WDPCP: variants seen among roughly 807,000 people sequenced by gnomAD.
WDPCP encodes the protein WD repeat-containing and planar cell polarity effector protein fritz homolog.
WDPCP carries 71 observed loss-of-function variants against 93.1 expected under a neutral mutation model. The observed-to-expected ratio is 0.76, with a 90% CI of 0.63 to 0.93. The LOEUF is 0.93. Ranked by LOEUF, WDPCP falls within the 40% of genes least tolerant of loss-of-function variation. The pLI is 0.00. For missense variants in WDPCP, 844 were observed against 887.4 expected, an observed-to-expected ratio of 0.95 and a Z score of 0.62; for synonymous variants, 315 against 315.0, an observed-to-expected ratio of 1.00 and a Z score of 0.00.
intron 2 of WDPCP, among the ~76,000 whole-genome samples, chr2:63,785,037 C>A (rs962703151): frequency 6.6e-6 from 1 of 152,164 alleles, no homozygotes; most frequent in Non-Finnish European, 1.5e-5. Flanking sequence ...ATGACAATTA[C>A]TGTTAAACAA....
intron 17 of WDPCP, among the ~76,000 whole-genome samples, chr2:63,146,141 T>C (rs1245056627): frequency 6.6e-6 from 1 of 152,192 alleles, no homozygotes; most frequent in East Asian, 1.9e-4. Flanking sequence ...TAGGACGATG[T>C]TGTCTGCAAA....
At chr2:63,623,281 G>A (rs1466028181) in intron 3 of WDPCP, among the ~76,000 whole-genome samples, 1 of 151,724 alleles carries the variant, frequency 6.6e-6, no homozygotes, top group Admixed American at 6.6e-5. Flanking sequence ...TGCATCAATG[G>A]GCAAAATAAC....
chr2:63,302,713 C>T lies in WDPCP; in HGVS notation c.1812+10535G>A, dbSNP rs534215575. ...AAGGATTTGTGAGGTTGGTGTCAAG[C>T]TGTAGACACTCTTGTGTGCTTTGTG... On this transcript the variant is annotated intron_variant, in intron 13 of 17. Coordinates refer to ENST00000272321, the MANE Select transcript of WDPCP (RefSeq NM_015910.7). Among the ~76,000 whole-genome samples the T allele has an allele frequency of 2.0e-4, 30 of 152,334 alleles. 1 individual carries two copies. Among genetic ancestry groups the T allele is most frequent in the African/African-American group, 6.7e-4 (28 of 41,580 alleles).
In WDPCP at chr2:63,466,223, T is replaced by C. The variant is rs376191770; in HGVS notation, c.384+18381A>G. Among the ~76,000 whole-genome samples, 18 of 152,286 alleles carry C rather than the reference T, an allele frequency of 1.2e-4. No homozygotes were observed. The East Asian group carries it at 1.5e-3, about 13-fold the overall frequency. ...TGTGAACATTTTATATACAATACTA[T>C]TTTATGAGTAGTTATAACTGCTTTT... On this transcript the variant is annotated intron_variant, in intron 6 of 17. Transcript: ENST00000272321.
At chr2:63,833,974 T>TAC in the WDPCP span, among the ~76,000 whole-genome samples, 2,181 of 149,878 alleles carry the variant, frequency 0.015, 22 homozygotes, top group East Asian at 0.063. Context: ...TATGCCAACA[T>TAC]ACACACACAC....
chr2:63,122,161 T>C, intron 17 of WDPCP, 105 bp from the exon 18 acceptor site: 3 of 893,694 alleles, frequency 3.4e-6, no homozygotes, highest in South Asian at 1.5e-5. Context: ...TGAAACAAAA[T>C]AAAATAGTTT....
intron 3 of WDPCP, chr2:63,597,829 CAT>C (rs1380679902): frequency 8.1e-6 from 2 of 245,770 alleles, no homozygotes; most frequent in Non-Finnish European, 1.5e-5. Flanking sequence ...AGTTCTTAAA[CAT>C]ATAGAGAAGG....
At chr2:63,670,615 G>A (rs900782960) in intron 2 of WDPCP, among the ~76,000 whole-genome samples, 1 of 152,132 alleles carries the variant, frequency 6.6e-6, no homozygotes, top group Non-Finnish European at 1.5e-5. Flanking sequence ...GAGGTAAAGT[G>A]TATATGGTAT....
intron 11 of WDPCP, 71 bp from the exon 12 acceptor site, chr2:63,378,580 T>G: frequency 6.2e-7 from 1 of 1,605,220 alleles, no homozygotes; most frequent in Non-Finnish European, 8.5e-7. Flanking sequence ...TACTCATGTT[T>G]GCAGTCAGTC....
intron 1 of WDPCP, among the ~76,000 whole-genome samples, chr2:63,819,526 G>A (rs540052223): frequency 2.6e-5 from 4 of 152,160 alleles, no homozygotes; most frequent in Non-Finnish European, 4.4e-5. Flanking sequence ...ACAATCTCCT[G>A]GAGGACTTGT....
intron 12 of WDPCP, among the ~76,000 whole-genome samples, chr2:63,363,166 A>G (rs969381069): frequency 6.6e-6 from 1 of 152,182 alleles, no homozygotes; most frequent in African/African-American, 2.4e-5. Context: ...ATGGAAATAT[A>G]TATCACTTCC....
At chr2:63,620,612 C>T (rs1370323490) in intron 3 of WDPCP, among the ~76,000 whole-genome samples, 5 of 152,348 alleles carry the variant, frequency 3.3e-5, no homozygotes, top group Admixed American at 6.5e-5. Flanking sequence ...CAGATTTAAA[C>T]GTTCCTGTCT....
intron 6 of WDPCP, among the ~76,000 whole-genome samples, chr2:63,460,117 TGTG>T (rs1698905552): frequency 6.6e-6 from 1 of 151,970 alleles, no homozygotes; most frequent in African/African-American, 2.4e-5. Context: ...ATAAAGAAAA[TGTG>T]GTGTATATAA....
the WDPCP span, among the ~76,000 whole-genome samples, chr2:63,837,751 G>T: frequency 6.6e-6 from 1 of 152,188 alleles, no homozygotes. Context: ...GGAAATAACT[G>T]AAACTTAAAA....
chr2:63,670,452 C>T (rs1397657503), intron 2 of WDPCP, among the ~76,000 whole-genome samples: 2 of 152,070 alleles, frequency 1.3e-5, no homozygotes, highest in Non-Finnish European at 2.9e-5. Flanking sequence ...AGTACCAGGA[C>T]CAAGTACATT....
intron 2 of WDPCP, among the ~76,000 whole-genome samples, chr2:63,733,348 C>G (rs910134571): frequency 6.7e-6 from 1 of 149,534 alleles, no homozygotes; most frequent in Non-Finnish European, 1.5e-5. Flanking sequence ...TACAGGTGCC[C>G]GCCACCGCGC....
chr2:63,450,935 T>C (rs4438460), intron 6 of WDPCP, among the ~76,000 whole-genome samples: 5,032 of 152,026 alleles, frequency 0.033, 145 homozygotes, highest in Non-Finnish European at 0.049. Flanking sequence ...ACGGGAAGTA[T>C]GAAAAAGCAA....
chr2:63,721,489 TACCCCTTCTA>T (rs1669411861), intron 2 of WDPCP, among the ~76,000 whole-genome samples: 1 of 152,204 alleles, frequency 6.6e-6, no homozygotes, highest in Admixed American at 6.5e-5. Context: ...GTACCCCTCT[TACCCCTTCTA>T]ATCTCACTCC....
At chr2:63,804,394 G>C (rs2104050998) in intron 2 of WDPCP, among the ~76,000 whole-genome samples, 1 of 151,986 alleles carries the variant, frequency 6.6e-6, no homozygotes, top group South Asian at 2.1e-4. Flanking sequence ...TGGGACTACA[G>C]GCACCTGCCA....
Sources: gnomAD v4.1 joint callset for allele counts (sites outside exome capture counted in the v4.1 genomes callset) on GRCh38, gnomAD v4.1.1 for gene constraint, MANE v1.5 for transcripts, NCBI Gene and HGNC (gene_info 2026-07-23, HGNC 2026-07-21) for gene names.